The following BBS9 variants were observed in gnomAD, a reference collection of about 807,000 sequenced individuals.
The protein encoded by BBS9 is Bardet-Biedl syndrome 9.
A neutral mutation model predicts 117.7 loss-of-function variants in BBS9; 89 were observed. The observed-to-expected ratio is 0.76, with a 90% CI of 0.64 to 0.90. BBS9 has a LOEUF of 0.90. BBS9 is among the 40% of genes least tolerant of loss of function. The pLI, the probability that BBS9 is intolerant of heterozygous loss-of-function variation, is 0.00. For synonymous variants in BBS9, 379 were observed against 370.9 expected (o/e 1.02, Z -0.25); for missense variants, 982 against 1,042.2 (o/e 0.94, Z 0.80).
Position 33,581,709 on chromosome 7 carries a change from A to G in BBS9, c.2522-23156A>G, listed in dbSNP as rs193234056. Among the ~76,000 whole-genome samples the G allele has an allele frequency of 7.2e-5, 11 of 152,308 alleles. No homozygotes were observed. The East Asian group carries it at 1.9e-3, about 27-fold the overall frequency. On this transcript the variant is annotated intron_variant, in intron 21 of 22. Transcript: ENST00000242067. Reference sequence around the variant, plus strand: ...AGAATGATGATAGCCACTAACATTTATATGATATTCTGACCTTTTCAAAAT... The same window carrying G: ...AGAATGATGATAGCCACTAACATTTGTATGATATTCTGACCTTTTCAAAAT...
intron 19 of BBS9, among the ~76,000 whole-genome samples, chr7:33,464,203 A>ACATTAT (rs1295263072): frequency 6.6e-6 from 1 of 152,094 alleles, no homozygotes; most frequent in Non-Finnish European, 1.5e-5. Context: ...CTAAAGACAG[A>ACATTAT]CATTATCAGA....
intron 15 of BBS9, among the ~76,000 whole-genome samples, chr7:33,353,169 A>G (rs376976230): frequency 1.3e-5 from 2 of 152,140 alleles, no homozygotes; most frequent in African/African-American, 4.8e-5. Context: ...ACTGCAAGTC[A>G]TTGGTTATTT....
intron 19 of BBS9, among the ~76,000 whole-genome samples, chr7:33,491,435 A>C: frequency 6.6e-6 from 1 of 152,214 alleles, no homozygotes; most frequent in African/African-American, 2.4e-5. Context: ...GCTCTGCCTC[A>C]CAACTGGTAT....
intron 19 of BBS9, among the ~76,000 whole-genome samples, chr7:33,465,809 T>G (rs1840079090): frequency 6.6e-6 from 1 of 152,174 alleles, no homozygotes; most frequent in South Asian, 2.1e-4. Context: ...CTGCTATCAC[T>G]ATATATTATT....
intron 21 of BBS9, among the ~76,000 whole-genome samples, chr7:33,585,668 T>C (rs990172554): frequency 2.6e-5 from 4 of 152,128 alleles, no homozygotes; most frequent in Admixed American, 1.3e-4. Context: ...GGTACTAATG[T>C]AATTATTATT....
At chr7:33,576,202 G>T (rs767852340) in intron 21 of BBS9, among the ~76,000 whole-genome samples, 8 of 152,182 alleles carry the variant, frequency 5.3e-5, no homozygotes, top group Admixed American at 1.3e-4. Flanking sequence ...AGCAGCTTCA[G>T]CAAAGTCTCA....
At chr7:33,209,115 T>C (rs1397529661) in intron 5 of BBS9, among the ~76,000 whole-genome samples, 2 of 152,194 alleles carry the variant, frequency 1.3e-5, no homozygotes, top group Non-Finnish European at 2.9e-5. Context: ...CTTCTCAGAC[T>C]TTGGTAATCA....
At chr7:33,189,583 T>C (rs1467331427) in intron 5 of BBS9, among the ~76,000 whole-genome samples, 1 of 146,392 alleles carries the variant, frequency 6.8e-6, no homozygotes, top group Non-Finnish European at 1.5e-5. Flanking sequence ...TCTTCAATGT[T>C]TTTTTAATTA....
intron 19 of BBS9, among the ~76,000 whole-genome samples, chr7:33,492,970 C>T (rs2128997820): frequency 6.6e-6 from 1 of 151,680 alleles, no homozygotes; most frequent in Non-Finnish European, 1.5e-5. Context: ...TTGCTTAACC[C>T]CTCTGCTCTT....
In BBS9 at chr7:33,443,160, G is replaced by A. The variant is rs564957845; in HGVS notation, c.2115+55016G>A. The stretch of plus-strand genomic sequence containing the variant: ...AATTTATGAATTGGAGATTGATTTT[G>A]GTAAAAATGGAACTTGTTTTAAGCC... On this transcript the variant is annotated intron_variant, in intron 19 of 22. Transcript: ENST00000242067. Among the ~76,000 whole-genome samples, 12 of 152,060 alleles carry A rather than the reference G, an allele frequency of 7.9e-5. No individual in the cohort carries two copies. In the South Asian group the frequency reaches 2.5e-3, roughly 32 times the overall value.
At chr7:33,235,770 G>C (rs527517398) in intron 5 of BBS9, among the ~76,000 whole-genome samples, 148 of 152,254 alleles carry the variant, frequency 9.7e-4, no homozygotes, top group Non-Finnish European at 1.7e-3. Flanking sequence ...TATACCAGAA[G>C]TGAAGGGGAA....
intron 21 of BBS9, among the ~76,000 whole-genome samples, chr7:33,575,858 C>A (rs1012686059): frequency 6.6e-6 from 1 of 152,048 alleles, no homozygotes; most frequent in African/African-American, 2.4e-5. Flanking sequence ...TTCAACAGCC[C>A]TTCATGCTAA....
chr7:33,416,859 C>T (rs1832088091), intron 19 of BBS9, among the ~76,000 whole-genome samples: 1 of 152,150 alleles, frequency 6.6e-6, no homozygotes, highest in Non-Finnish European at 1.5e-5. Context: ...TCCATTGTTC[C>T]CTTTTCTTTT....
chr7:33,417,739 A>T (rs1832238205), intron 19 of BBS9, among the ~76,000 whole-genome samples: 1 of 152,230 alleles, frequency 6.6e-6, no homozygotes, highest in Non-Finnish European at 1.5e-5. Context: ...CTTTTGGTTA[A>T]CAGAAGTCTT....
intron 19 of BBS9, among the ~76,000 whole-genome samples, chr7:33,458,950 G>C (rs1839042355): frequency 6.6e-6 from 1 of 152,054 alleles, no homozygotes; most frequent in Non-Finnish European, 1.5e-5. Flanking sequence ...TCTCAACCAA[G>C]TGTCTTTGAA....
intron 21 of BBS9, among the ~76,000 whole-genome samples, chr7:33,537,695 A>G (rs150580520): frequency 1.3e-5 from 2 of 152,176 alleles, no homozygotes; most frequent in African/African-American, 2.4e-5. Flanking sequence ...TATGTTCCCA[A>G]CCTTCTCCCT....
intron 7 of BBS9, among the ~76,000 whole-genome samples, chr7:33,268,520 G>A (rs1048848394): frequency 7.9e-5 from 12 of 152,156 alleles, no homozygotes; most frequent in African/African-American, 2.9e-4. Context: ...GCTGTGCTTT[G>A]TTGTCTGGTG....
chr7:33,272,887 A>G, intron 7 of BBS9, 125 bp from the exon 8 acceptor site: 1 of 934,258 alleles, frequency 1.1e-6, no homozygotes. Flanking sequence ...AAAGAAATGA[A>G]AGAGATTAGC....
intron 9 of BBS9, among the ~76,000 whole-genome samples, chr7:33,325,842 GTC>G (rs918900621): frequency 6.6e-6 from 1 of 151,372 alleles, no homozygotes; most frequent in African/African-American, 2.4e-5. Flanking sequence ...AACAAAAAGA[GTC>G]TCTCTCTCTC....
Sources: allele counts gnomAD v4.1 joint callset (sites outside exome capture counted in the v4.1 genomes callset), GRCh38; gene constraint gnomAD v4.1.1; transcripts MANE v1.5; gene names NCBI Gene and HGNC (gene_info 2026-07-23, HGNC 2026-07-21).